HGSNAT: variants seen among roughly 807,000 people sequenced by gnomAD.
The protein encoded by HGSNAT is heparan-alpha-glucosaminide N-acetyltransferase.
Under a neutral mutation model 85.2 loss-of-function variants are expected in HGSNAT, and 59 were observed. That is an observed-to-expected ratio of 0.69 (90% confidence interval 0.56 to 0.86). HGSNAT has a LOEUF of 0.86. Ranked by LOEUF, HGSNAT falls within the 40% of genes least tolerant of loss-of-function variation. HGSNAT has a pLI of 0.00. For missense variants in HGSNAT, 756 were observed against 777.1 expected (o/e 0.97, Z 0.32); for synonymous variants, 321 against 304.5 (o/e 1.05, Z -0.56).
intron 5 of HGSNAT, among the ~76,000 whole-genome samples, chr8:43,166,583 T>G (rs536249303): frequency 1.3e-5 from 2 of 152,284 alleles, no homozygotes; most frequent in African/African-American, 4.8e-5. Flanking sequence ...AGACCTACTG[T>G]TCAGAAAAGA....
In HGSNAT at chr8:43,193,820, G is replaced by T. The variant is rs746875137; in HGVS notation, c.1441G>T (p.Val481Leu). Residue 481 changes from valine to leucine, a missense_variant, in exon 14 of 18, where the codon GTG becomes TTG. Transcript: ENST00000379644. ...EGILGTINSI[V>L]MAFLGVQAGK... is the part of the protein sequence containing the mutation. ...CATCCTGGGCACCATCAACTCCATC[G>T]TGATGGCCTTTTTAGGAGTTCAGGT... 2.5e-6 allele frequency: 4 copies of T among 1,613,528 alleles called. No individual in the cohort carries two copies. In the African/African-American group the frequency reaches 5.3e-5, roughly 22 times the overall value.
chr8:43,198,106 T>C (rs550470125), intron 17 of HGSNAT, among the ~76,000 whole-genome samples, 154 bp downstream of exon 17: 8 of 152,070 alleles, frequency 5.3e-5, no homozygotes, highest in Non-Finnish European at 1.0e-4. Context: ...AGGGCCCACA[T>C]TGTCCCAGCC....
intron 8 of HGSNAT, 106 bp from the exon 9 acceptor site, chr8:43,173,607 C>T: frequency 8.0e-7 from 1 of 1,245,684 alleles, no homozygotes; most frequent in Non-Finnish European, 1.2e-6. Flanking sequence ...CACTGCGCCT[C>T]CCCTGGGTTT....
At chr8:43,178,398 A>T (rs948242548) in intron 10 of HGSNAT, among the ~76,000 whole-genome samples, 164 bp downstream of exon 10, 16 of 152,032 alleles carry the variant, frequency 1.1e-4, no homozygotes, top group African/African-American at 3.6e-4. Context: ...TATTATTATT[A>T]TTTTTGAATT....
chr8:43,181,676 A>T (rs1804129653), intron 10 of HGSNAT: 1 of 157,054 alleles, frequency 6.4e-6, no homozygotes, highest in South Asian at 1.9e-4. Flanking sequence ...TGGGTAGCAG[A>T]TAGGGCAGGG....
intron 5 of HGSNAT, 85 bp downstream of exon 5, chr8:43,161,592 C>T: frequency 2.1e-6 from 2 of 963,488 alleles, no homozygotes; most frequent in Non-Finnish European, 3.1e-6. Context: ...CCTCAAGTGG[C>T]CATATTCTTC....
rs1050377613 is a variant in HGSNAT, at chr8:43,194,328, G to A, written c.1464+485G>A. 18 of 909,132 alleles carry A rather than the reference G, an allele frequency of 2.0e-5. No homozygotes were observed. The African/African-American group carries it at 2.9e-4, about 15-fold the overall frequency. 56.3% of individuals were successfully genotyped at this position (909,132 alleles called of 1,614,324 possible). ...TAGGAGTATGGCTTGAACCAAGGAG[G>A]TTGAGGCTGCAGTGAGCCTTGATTG... On this transcript the variant is annotated intron_variant, in intron 14 of 17. Coordinates refer to ENST00000379644, the MANE Select transcript of HGSNAT (RefSeq NM_152419.3).
intron 5 of HGSNAT, among the ~76,000 whole-genome samples, chr8:43,168,703 T>A (rs555611978): frequency 1.2e-4 from 18 of 152,282 alleles, no homozygotes; most frequent in African/African-American, 4.3e-4. Context: ...GGCCTAATAA[T>A]TTATATCTTC....
At chr8:43,175,618 T>G (rs1025443551) in intron 9 of HGSNAT, among the ~76,000 whole-genome samples, 2 of 142,200 alleles carry the variant, frequency 1.4e-5, no homozygotes, top group South Asian at 4.5e-4. Flanking sequence ...CAGGTGGGAG[T>G]GCAGTGGCAT....
intron 2 of HGSNAT, among the ~76,000 whole-genome samples, chr8:43,150,941 A>G (rs1193646363): frequency 6.6e-6 from 1 of 152,110 alleles, no homozygotes; most frequent in African/African-American, 2.4e-5. Context: ...AAACTAAAAT[A>G]TTGCACTCAT....
rs562517477 is a variant in HGSNAT, at chr8:43,142,254, G to A, written c.118+1640G>A. Among the ~76,000 whole-genome samples, 57 of 152,178 alleles carry A rather than the reference G, an allele frequency of 3.7e-4. 1 individual carries two copies. The highest frequency in any genetic ancestry group is 1.3e-3 in the African/African-American group (55 of 41,526). On this transcript the variant is annotated intron_variant, in intron 1 of 17. Coordinates refer to ENST00000379644, the MANE Select transcript of HGSNAT (RefSeq NM_152419.3). ...TTTGGTAATTTGCCCACCAAGACGA[G>A]GTAGACCAGAGGAGAGAGAAGGAAA...
intron 2 of HGSNAT, among the ~76,000 whole-genome samples, chr8:43,149,713 A>T (rs866559281): frequency 1.1e-3 from 168 of 151,450 alleles, no homozygotes; most frequent in Middle Eastern, 3.4e-3. Flanking sequence ...AAAAAAAAAA[A>T]TTTTTTTTTA....
At chr8:43,173,824 C>T (rs1260282935) in intron 9 of HGSNAT, 81 bp downstream of exon 9, 1 of 1,426,200 alleles carries the variant, frequency 7.0e-7, no homozygotes, top group Non-Finnish European at 9.7e-7. Context: ...AGCCTCTCTT[C>T]TGAGACGGGC....
intron 2 of HGSNAT, among the ~76,000 whole-genome samples, chr8:43,156,461 A>G (rs1038716614): frequency 1.3e-5 from 2 of 152,172 alleles, no homozygotes; most frequent in Non-Finnish European, 2.9e-5. Flanking sequence ...GCCCACCACC[A>G]TGCCCAGCTA....
chr8:43,145,768 G>GAA (rs1802694865), intron 1 of HGSNAT, among the ~76,000 whole-genome samples: 1 of 151,924 alleles, frequency 6.6e-6, no homozygotes, highest in South Asian at 2.1e-4. Context: ...AAGAAAGAAA[G>GAA]AGGGATTGAG....
At chr8:43,155,445 A>G (rs1289348921) in intron 2 of HGSNAT, among the ~76,000 whole-genome samples, 3 of 152,016 alleles carry the variant, frequency 2.0e-5, no homozygotes, top group Admixed American at 1.3e-4. Context: ...TTTATTGCCC[A>G]TTTAAAAAAT....
At chr8:43,191,716 C>T (rs922559649) in intron 12 of HGSNAT, 121 bp downstream of exon 12, 63 of 1,258,548 alleles carry the variant, frequency 5.0e-5, no homozygotes, top group Admixed American at 6.5e-5. Context: ...TCCTTTGAGG[C>T]CTGCTTTGCA....
intron 1 of HGSNAT, among the ~76,000 whole-genome samples, chr8:43,146,723 CTG>C (rs1251713863): frequency 6.6e-6 from 1 of 151,938 alleles, no homozygotes; most frequent in South Asian, 2.1e-4. Context: ...AAAAGGAGAC[CTG>C]TGTGTGTGCA....
intron 11 of HGSNAT, among the ~76,000 whole-genome samples, chr8:43,188,248 G>C (rs1465055741): frequency 1.3e-5 from 2 of 152,136 alleles, no homozygotes; most frequent in Non-Finnish European, 2.9e-5. Flanking sequence ...TTTCCGACTT[G>C]GTTCTGTTCT....
Sources: gnomAD v4.1 joint callset for allele counts (sites outside exome capture counted in the v4.1 genomes callset) on GRCh38, gnomAD v4.1.1 for gene constraint, MANE v1.5 for transcripts, NCBI Gene and HGNC (gene_info 2026-07-23, HGNC 2026-07-21) for gene names.